MPPED1: variants seen among roughly 807,000 people sequenced by gnomAD.
MPPED1 encodes the protein metallophosphoesterase domain containing 1.
MPPED1 carries 16 observed loss-of-function variants against 36.2 expected under a neutral mutation model. The observed-to-expected ratio is 0.44, with a 90% CI of 0.30 to 0.67. The LOEUF (loss-of-function observed/expected upper bound fraction) is 0.67, where lower values mean the gene tolerates loss of function less well. Ranked by LOEUF, MPPED1 falls within the 30% of genes least tolerant of loss-of-function variation. The pLI is 0.10. For missense variants in MPPED1, 307 were observed against 453.4 expected (o/e 0.68, Z 2.93); for synonymous variants, 199 against 191.3 (o/e 1.04, Z -0.33).
chr22:43,413,273 A>T (rs1219538647), intron 1 of MPPED1, among the ~76,000 whole-genome samples: 3 of 149,050 alleles, frequency 2.0e-5, no homozygotes, highest in Non-Finnish European at 4.5e-5. Flanking sequence ...GAGCTGGCTC[A>T]CGGGAGTTGA....
At chr22:43,434,892 G>A (rs1177009663) in intron 2 of MPPED1, 142 bp from the exon 3 acceptor site, 8 of 868,532 alleles carry the variant, frequency 9.2e-6, no homozygotes, top group Non-Finnish European at 1.4e-5. Flanking sequence ...CCCCTGGGAA[G>A]GCTGGGCGTC....
At chr22:43,454,002 A>G (rs927678672) in intron 3 of MPPED1, among the ~76,000 whole-genome samples, 1 of 151,632 alleles carries the variant, frequency 6.6e-6, no homozygotes, top group African/African-American at 2.4e-5. Context: ...TAAAATTTAA[A>G]TATTTATTTA....
At chr22:43,442,505 C>G (rs987341278) in intron 3 of MPPED1, among the ~76,000 whole-genome samples, 1 of 152,186 alleles carries the variant, frequency 6.6e-6, no homozygotes, top group African/African-American at 2.4e-5. Flanking sequence ...GGCACCCGCC[C>G]CTGTGCGGGG....
At chr22:43,490,190 C>A (rs916759739) in intron 4 of MPPED1, among the ~76,000 whole-genome samples, 1 of 152,224 alleles carries the variant, frequency 6.6e-6, no homozygotes, top group Non-Finnish European at 1.5e-5. Context: ...CCCATGTCCC[C>A]AGATCCTGCA....
intron 1 of MPPED1, 64 bp downstream of exon 1, chr22:43,412,222 G>C (rs1209859427): frequency 8.9e-6 from 8 of 901,676 alleles, no homozygotes; most frequent in South Asian, 4.9e-5. Flanking sequence ...GGGCGCGGCC[G>C]GGACCCTCTC....
rs776108565 is a variant in MPPED1, at chr22:43,447,883, A to ATTTT, written c.406+12679_406+12682dup. On this transcript the variant is annotated intron_variant, in intron 3 of 6. Transcript: ENST00000443721. ...ATTATATATATATATATATATATAT[A>ATTTT]TTTTTTTTTTTTTTAGACAAAGTCT... is the stretch of plus-strand genomic sequence containing the variant. Among the ~76,000 whole-genome samples, 54 of 67,702 alleles carry ATTTT rather than the reference A, an allele frequency of 8.0e-4. 3 individuals are homozygous for ATTTT. The highest frequency in any genetic ancestry group is 2.1e-3 in the African/African-American group (31 of 14,936). The allele number at this position is 67,702 out of a possible 152,430, so 44.4% of individuals were successfully genotyped here.
intron 3 of MPPED1, among the ~76,000 whole-genome samples, chr22:43,463,807 TTTTCTTTCTTTCTTTCTTTC>T (rs695374): frequency 0.026 from 2,978 of 112,934 alleles, 78 homozygotes; most frequent in Middle Eastern, 0.036. Context: ...TCATTTTTTC[TTTTCTTTCTTTCTTTCTTTC>T]TTTCTTTCTT....
chr22:43,507,179 C>G lies in MPPED1; in HGVS notation c.*1563C>G, dbSNP rs1932828145. The G allele has an allele frequency of 6.6e-6, 1 of 152,272 alleles. No homozygotes were observed. Among genetic ancestry groups the G allele is most frequent in the Admixed American group, 6.5e-5 (1 of 15,288 alleles). The allele number at this position is 152,272 out of a possible 1,614,324, so 9.4% of individuals were successfully genotyped here. A position where few individuals can be genotyped will look rare whatever the true frequency, so the allele number is the denominator to read the frequency against. ...CGAGGCAGGATCTGACCCTTGTTCT[C>G]TGGCCTCACTGCCCTCACTTTGCCA... On this transcript the variant is annotated 3_prime_UTR_variant, in exon 7 of 7. Coordinates refer to ENST00000443721, the MANE Select transcript of MPPED1 (RefSeq NM_001044370.2).
At chr22:43,475,803 T>C (rs1194728776) in intron 4 of MPPED1, among the ~76,000 whole-genome samples, 1 of 149,840 alleles carries the variant, frequency 6.7e-6, no homozygotes, top group African/African-American at 2.5e-5. Context: ...AGTATGGTGA[T>C]GGTGGTGGTG....
chr22:43,497,014 A>AGTGGTGGTGGAAGTG (rs1932426464), intron 4 of MPPED1, among the ~76,000 whole-genome samples: 2 of 26,868 alleles, frequency 7.4e-5, no homozygotes, highest in Non-Finnish European at 1.5e-4. Flanking sequence ...TGGTGGAGGT[A>AGTGGTGGTGGAAGTG]GTGGTGGTGG....
intron 3 of MPPED1, among the ~76,000 whole-genome samples, chr22:43,447,883 A>ATATTTTT (rs1321289636): frequency 2.4e-4 from 16 of 67,704 alleles, no homozygotes; most frequent in African/African-American, 7.4e-4. Flanking sequence ...ATATATATAT[A>ATATTTTT]TTTTTTTTTT....
chr22:43,498,304 C>T lies in MPPED1; in HGVS notation c.702C>T (p.Leu234=), dbSNP rs371356852. The change falls in exon 5 of 7, where the codon CTC becomes CTT. Residue 234 remains leucine (L), a synonymous_variant. Transcript: ENST00000443721. ...AAGCCCTGCTGGAGAAATGGAACCT[C>T]ATTCCCGAAGGCGTAGACATCCTGA... ...RGQALLEKWN[L]IPEGVDILIT... 33 of 1,535,484 alleles carry T rather than the reference C, an allele frequency of 2.1e-5. 1 individual carries two copies. Among genetic ancestry groups the T allele is most frequent in the Admixed American group, 3.9e-5 (2 of 50,990 alleles).
Position 43,417,083 on chromosome 22 carries a change from G to A in MPPED1, c.-79+4925G>A, listed in dbSNP as rs536743260. On this transcript the variant is annotated intron_variant, in intron 1 of 6. Transcript: ENST00000443721. ...GAAAATGAAGCGGCAGAGACTGCTG[G>A]GGGGTGGCGGTGGTGAGGAATTAGA... The A allele has an allele frequency of 6.9e-6, 6 of 869,372 alleles. No homozygotes were observed. The East Asian group carries it at 7.3e-4, about 106-fold the overall frequency. The allele number at this position is 869,372 out of a possible 1,614,324, so 53.9% of individuals were successfully genotyped here.
At chr22:43,437,440 T>C (rs988166553) in intron 3 of MPPED1, among the ~76,000 whole-genome samples, 2 of 152,184 alleles carry the variant, frequency 1.3e-5, no homozygotes, top group Non-Finnish European at 2.9e-5. Flanking sequence ...GTGAAGCCAC[T>C]TACCCAAAGT....
At chr22:43,470,456 A>G (rs895244121) in intron 3 of MPPED1, among the ~76,000 whole-genome samples, 1 of 152,128 alleles carries the variant, frequency 6.6e-6, no homozygotes, top group African/African-American at 2.4e-5. Context: ...CCATCCATCC[A>G]TGTACCCATC....
chr22:43,431,021 ATTTTTTTTTTTTTTT>A lies in MPPED1; in HGVS notation c.225-3988_225-3974del, dbSNP rs135076. 4.7e-4 allele frequency among the ~76,000 whole-genome samples: 20 copies of A among 42,302 alleles called. 1 individual carries two copies. Among genetic ancestry groups the A allele is most frequent in the South Asian group, 1.3e-3 (2 of 1,572 alleles). 27.8% of individuals were successfully genotyped at this position (42,302 alleles called of 152,430 possible). A position where few individuals can be genotyped will look rare whatever the true frequency, so the allele number is the denominator to read the frequency against. The stretch of plus-strand genomic sequence containing the variant: ...CTGTCTCTTTCTACTGTTGTTGTTA[ATTTTTTTTTTTTTTT>A]TTTTTTTTTTTTTTTTTTTTTTTTA... On this transcript the variant is annotated intron_variant, in intron 2 of 6. Coordinates refer to ENST00000443721, the MANE Select transcript of MPPED1 (RefSeq NM_001044370.2).
In MPPED1 at chr22:43,412,170, GGCGGGCGGGGCGCGGCGGGC is replaced by G; in HGVS notation, c.-79+22_-79+41del. ...GAGCCCGGGGCCAGGTAGGACCGGA[GGCGGGCGGGGCGCGGCGGGC>G]GCGGGCGGGAGGCCGGGCGCGGGGC... On this transcript the variant is annotated intron_variant, in intron 1 of 6. Coordinates refer to ENST00000443721, the MANE Select transcript of MPPED1 (RefSeq NM_001044370.2). The G allele has an allele frequency of 1.0e-6, 1 of 979,680 alleles. No individual in the cohort carries two copies. The highest frequency in any genetic ancestry group is 1.2e-6 in the Non-Finnish European group (1 of 827,256). The allele number at this position is 979,680 out of a possible 1,614,324, so 60.7% of individuals were successfully genotyped here.
intron 3 of MPPED1, among the ~76,000 whole-genome samples, chr22:43,473,311 C>T (rs1212798895): frequency 6.6e-6 from 1 of 152,090 alleles, no homozygotes. Context: ...GGCACCTTGC[C>T]CTGTGTGTGC....
chr22:43,479,327 C>A (rs1262095834), intron 4 of MPPED1, among the ~76,000 whole-genome samples: 1 of 152,246 alleles, frequency 6.6e-6, no homozygotes, highest in Non-Finnish European at 1.5e-5. Flanking sequence ...AGGCAGGGAG[C>A]AGGGATGAAA....
Sources: gnomAD v4.1 joint callset for allele counts (sites outside exome capture counted in the v4.1 genomes callset) on GRCh38, gnomAD v4.1.1 for gene constraint, MANE v1.5 for transcripts, NCBI Gene and HGNC (gene_info 2026-07-23, HGNC 2026-07-21) for gene names.